Variants in TCF4 observed in about 807,000 individuals in gnomAD.
The protein encoded by TCF4 is transcription factor 4.
Under a neutral mutation model 82.1 loss-of-function variants are expected in TCF4, and 3 were observed. The observed-to-expected ratio is 0.04, with a 90% CI of 0.02 to 0.09. The LOEUF is 0.09. Among genes scored for constraint, TCF4 ranks in the 10% least tolerant of loss-of-function variants. The probability of loss-of-function intolerance (pLI) is 1.00; values close to 1 mark genes in which losing one functional copy is unlikely to be tolerated. For synonymous variants in TCF4, 276 were observed against 309.6 expected (o/e 0.89, Z 1.14); for missense variants, 518 against 852.7 (o/e 0.61, Z 4.89).
intron 3 of TCF4, among the ~76,000 whole-genome samples, chr18:55,537,158 C>CTTG (rs2097124541): frequency 6.8e-6 from 1 of 147,138 alleles, no homozygotes. Context: ...AAAAAAAGTA[C>CTTG]TTGCAGTTTC....
rs2097648468 is a variant in TCF4, at chr18:55,586,186, CAGCAGCAGCAGCAG to C, written c.72+845_73-835del. ...GCAGCAGCAGCAGCAGCAGCAGCAGCAGCAGCAGCAGCAGCAGCAGCAGCAGCAGCAGCAGCAGC... is the reference window on the plus strand; with the variant it reads ...GCAGCAGCAGCAGCAGCAGCAGCAGCCAGCAGCAGCAGCAGCAGCAGCAGC... On this transcript the variant is annotated intron_variant, in intron 2 of 19. Coordinates refer to ENST00000354452, the MANE Select transcript of TCF4 (RefSeq NM_001083962.2). 9.3e-4 allele frequency: 573 copies of C among 614,224 alleles called. 35 individuals carry two copies. The South Asian group carries it at 9.4e-3, about 10-fold the overall frequency. 38.0% of individuals were successfully genotyped at this position (614,224 alleles called of 1,614,324 possible).
At chr18:55,305,728 A>G (rs1255342567) in intron 8 of TCF4, among the ~76,000 whole-genome samples, 1 of 152,186 alleles carries the variant, frequency 6.6e-6, no homozygotes, top group Non-Finnish European at 1.5e-5. Context: ...CCCAGTTTTC[A>G]GCTCCCCTAA....
chr18:55,484,283 G>A (rs1030559300), intron 3 of TCF4, among the ~76,000 whole-genome samples: 7 of 151,954 alleles, frequency 4.6e-5, no homozygotes, highest in Non-Finnish European at 8.8e-5. Context: ...ACAGAAAACC[G>A]CAACGGTTTA....
rs78933458 is a variant in TCF4, at chr18:55,547,737, A to G, written c.145+37543T>C. Among the ~76,000 whole-genome samples the G allele has an allele frequency of 1.3e-4, 20 of 152,362 alleles. No homozygotes were observed. The East Asian group carries it at 3.3e-3, about 25-fold the overall frequency. On this transcript the variant is annotated intron_variant, in intron 3 of 19. Coordinates refer to ENST00000354452, the MANE Select transcript of TCF4 (RefSeq NM_001083962.2). ...CCTGGGAAATTCAGTTCAGCCAAATAGGCTGACTGACAACGCTGTAAAATG... is the reference window on the plus strand; with the variant it reads ...CCTGGGAAATTCAGTTCAGCCAAATGGGCTGACTGACAACGCTGTAAAATG...
At chr18:55,577,601 C>T (rs1302011383) in intron 3 of TCF4, among the ~76,000 whole-genome samples, 1 of 152,044 alleles carries the variant, frequency 6.6e-6, no homozygotes, top group African/African-American at 2.4e-5. Context: ...CAATAACCTG[C>T]ATAGATGCTA....
intron 17 of TCF4, chr18:55,230,863 G>A (rs1176517811): frequency 6.6e-6 from 1 of 152,156 alleles, no homozygotes; most frequent in Non-Finnish European, 1.5e-5. Flanking sequence ...GCAAGTATAC[G>A]TTACACATAA....
intron 6 of TCF4, among the ~76,000 whole-genome samples, chr18:55,381,111 C>A (rs2091834087): frequency 6.6e-6 from 1 of 152,128 alleles, no homozygotes; most frequent in African/African-American, 2.4e-5. Context: ...CTTCTCACCC[C>A]ATCAGTTTCA....
At chr18:55,419,241 A>G (rs2094637515) in intron 5 of TCF4, among the ~76,000 whole-genome samples, 1 of 152,226 alleles carries the variant, frequency 6.6e-6, no homozygotes, top group East Asian at 1.9e-4. Context: ...TAAACTCAAG[A>G]AAAAGATCTG....
At chr18:55,272,966 C>G (rs1350358411) in intron 10 of TCF4, among the ~76,000 whole-genome samples, 1 of 152,088 alleles carries the variant, frequency 6.6e-6, no homozygotes, top group Non-Finnish European at 1.5e-5. Context: ...GTGCAAAGAC[C>G]ATGCCTAAAT....
chr18:55,525,861 T>A (rs983404288), intron 3 of TCF4, among the ~76,000 whole-genome samples: 1 of 152,128 alleles, frequency 6.6e-6, no homozygotes. Context: ...CCCAGTTTCA[T>A]GGAAGAAGAA....
chr18:55,317,381 T>A (rs1019569436), intron 8 of TCF4, among the ~76,000 whole-genome samples: 1 of 152,056 alleles, frequency 6.6e-6, no homozygotes, highest in Non-Finnish European at 1.5e-5. Flanking sequence ...GCTGCTTTCA[T>A]TTATAATCAT....
chr18:55,628,743 G>C (rs767978078), intron 2 of TCF4, among the ~76,000 whole-genome samples: 12 of 152,066 alleles, frequency 7.9e-5, no homozygotes, highest in African/African-American at 2.9e-4. Context: ...AAAATATTTC[G>C]ATCAATTTCT....
At chr18:55,440,848 A>G (rs769807724) in intron 5 of TCF4, among the ~76,000 whole-genome samples, 1 of 152,072 alleles carries the variant, frequency 6.6e-6, no homozygotes. Flanking sequence ...CTGTGTGTCT[A>G]TTCTTACACA....
chr18:55,452,279 G>T (rs1304121561), intron 5 of TCF4, among the ~76,000 whole-genome samples: 1 of 152,132 alleles, frequency 6.6e-6, no homozygotes, highest in African/African-American at 2.4e-5. Flanking sequence ...ATGTCTTTTG[G>T]CTGCACCTAA....
chr18:55,509,686 A>G (rs1300123146), intron 3 of TCF4, among the ~76,000 whole-genome samples: 2 of 152,192 alleles, frequency 1.3e-5, no homozygotes, highest in African/African-American at 4.8e-5. Context: ...GTTGCCTCTA[A>G]TAAGTTAATA....
intron 14 of TCF4, 116 bp from the exon 15 acceptor site, chr18:55,254,816 T>C: frequency 1.1e-6 from 1 of 926,178 alleles, no homozygotes; most frequent in Non-Finnish European, 1.7e-6. Context: ...ATGTTTCCAA[T>C]AAAATGTATT....
At chr18:55,229,483 CTTTA>C in intron 17 of TCF4, 1 of 199,710 alleles carries the variant, frequency 5.0e-6, no homozygotes, top group East Asian at 1.2e-4. Context: ...TATGTTTATA[CTTTA>C]TTTTTTAAAT....
At chr18:55,511,331 T>TAAAAAAAAAAAAAAAAAAAAAAAAAAAA (rs59685050) in intron 3 of TCF4, among the ~76,000 whole-genome samples, 1 of 131,398 alleles carries the variant, frequency 7.6e-6, no homozygotes, top group Non-Finnish European at 1.6e-5. Flanking sequence ...TCCAAAAGTT[T>TAAAAAAAAAAAAAAAAAAAAAAAAAAAA]AAAAAAAAAA....
intron 8 of TCF4, chr18:55,322,038 A>C: frequency 8.5e-7 from 1 of 1,176,506 alleles, no homozygotes; most frequent in Non-Finnish European, 1.0e-6. Flanking sequence ...TAGTTCCTCG[A>C]ATAATGCCGA....
Sources: gnomAD v4.1 joint callset for allele counts (sites outside exome capture counted in the v4.1 genomes callset) on GRCh38, gnomAD v4.1.1 for gene constraint, MANE v1.5 for transcripts, NCBI Gene and HGNC (gene_info 2026-07-23, HGNC 2026-07-21) for gene names.